HS3ST5: variants seen among roughly 807,000 people sequenced by gnomAD.
HS3ST5 encodes the protein heparan sulfate-glucosamine 3-sulfotransferase 5, also known as heparan sulfate glucosamine 3-O-sulfotransferase 5.
In HS3ST5, 10 loss-of-function variants were observed where a neutral mutation model predicts 25.4. The ratio of observed to expected loss-of-function variants is 0.39; its 90% confidence interval spans 0.24 to 0.67. HS3ST5 has a LOEUF of 0.67. Among genes scored for constraint, HS3ST5 ranks in the 30% least tolerant of loss-of-function variants. HS3ST5 has a pLI of 0.44. For synonymous variants in HS3ST5, 170 were observed against 162.4 expected (o/e 1.05, Z -0.36); for missense variants, 324 against 420.7 (o/e 0.77, Z 2.01).
At chr6:114,269,436 T>C (rs1314500201) in intron 1 of HS3ST5, among the ~76,000 whole-genome samples, 1 of 152,144 alleles carries the variant, frequency 6.6e-6, no homozygotes, top group Non-Finnish European at 1.5e-5. Context: ...TAAAGCAAAA[T>C]TTGAATAGTT....
intron 3 of HS3ST5, among the ~76,000 whole-genome samples, chr6:114,150,106 C>A (rs1778378782): frequency 6.6e-6 from 1 of 152,276 alleles, no homozygotes; most frequent in Non-Finnish European, 1.5e-5. Context: ...TTCTTGATGA[C>A]CATTAAATAT....
intron 3 of HS3ST5, among the ~76,000 whole-genome samples, chr6:114,144,162 C>T (rs759281741): frequency 1.3e-5 from 2 of 152,110 alleles, no homozygotes; most frequent in African/African-American, 2.4e-5. Flanking sequence ...CAGAACTGCC[C>T]CTGACCAGAT....
chr6:114,247,783 G>A (rs982637912), intron 1 of HS3ST5, among the ~76,000 whole-genome samples: 2 of 150,348 alleles, frequency 1.3e-5, no homozygotes, highest in African/African-American at 4.9e-5. Flanking sequence ...CTACATACTA[G>A]ATATCCCAGT....
chr6:114,095,965 G>T (rs1052556102), intron 3 of HS3ST5, among the ~76,000 whole-genome samples: 2 of 152,028 alleles, frequency 1.3e-5, no homozygotes, highest in Non-Finnish European at 2.9e-5. Flanking sequence ...GCATATTCAT[G>T]CTAGTTTCAT....
intron 2 of HS3ST5, among the ~76,000 whole-genome samples, chr6:114,170,309 T>G (rs887019263): frequency 2.0e-5 from 3 of 152,100 alleles, no homozygotes; most frequent in Non-Finnish European, 4.4e-5. Context: ...AGTATATATA[T>G]CCATAATTTA....
intron 1 of HS3ST5, among the ~76,000 whole-genome samples, chr6:114,280,302 G>C (rs1774050024): frequency 2.0e-5 from 3 of 151,974 alleles, no homozygotes; most frequent in Non-Finnish European, 4.4e-5. Context: ...TACAGGGCAG[G>C]AGATGGCAGC....
At chr6:114,193,900 T>C (rs1329966824) in intron 2 of HS3ST5, among the ~76,000 whole-genome samples, 1 of 152,168 alleles carries the variant, frequency 6.6e-6, no homozygotes, top group Non-Finnish European at 1.5e-5. Context: ...AAGTCATATA[T>C]TCTGAATGAT....
chr6:114,131,678 A>G (rs1192468771), intron 3 of HS3ST5, among the ~76,000 whole-genome samples: 1 of 152,224 alleles, frequency 6.6e-6, no homozygotes, highest in Non-Finnish European at 1.5e-5. Flanking sequence ...CTTGGGCCTA[A>G]GAAGTCAGAG....
At chr6:114,113,455 G>T (rs947096459) in intron 3 of HS3ST5, among the ~76,000 whole-genome samples, 11 of 151,308 alleles carry the variant, frequency 7.3e-5, no homozygotes, top group African/African-American at 2.7e-4. Flanking sequence ...CATTAAACAG[G>T]CTTGTTTCCA....
At chr6:114,292,962 G>T (rs771144240) in intron 1 of HS3ST5, among the ~76,000 whole-genome samples, 31 of 147,786 alleles carry the variant, frequency 2.1e-4, no homozygotes, top group Non-Finnish European at 3.9e-4. Context: ...AAATATTTTT[G>T]ATCAAGTTTG....
At chr6:114,129,290 C>G (rs1189141307) in intron 3 of HS3ST5, among the ~76,000 whole-genome samples, 1 of 120,102 alleles carries the variant, frequency 8.3e-6, no homozygotes, top group Non-Finnish European at 1.6e-5. Flanking sequence ...GAGTCTTGCT[C>G]TGTTGCCCAG....
In HS3ST5 at chr6:114,228,712, T is replaced by A. The variant is rs1485700700; in HGVS notation, c.-272A>T. ...AAACAGGTCAGGGAGACTCCTGGGG[T>A]GGCCACCAGAAATGCCGTTGAGAAT... is the stretch of plus-strand genomic sequence containing the variant. On this transcript the variant is annotated 5_prime_UTR_variant, in exon 2 of 5. Transcript: ENST00000312719. 1 of 152,092 alleles carries A rather than the reference T, an allele frequency of 6.6e-6. No individual in the cohort carries two copies. The highest frequency in any genetic ancestry group is 2.4e-5 in the African/African-American group (1 of 41,424). The allele number at this position is 152,092 out of a possible 1,614,324, so 9.4% of individuals were successfully genotyped here. A position where few individuals can be genotyped will look rare whatever the true frequency, so the allele number is the denominator to read the frequency against.
intron 3 of HS3ST5, among the ~76,000 whole-genome samples, chr6:114,128,152 A>G (rs1777142821): frequency 6.6e-6 from 1 of 152,094 alleles, no homozygotes. Context: ...CCTCCAGATA[A>G]TTCTGATATA....
chr6:114,119,791 G>C (rs1776694354), intron 3 of HS3ST5, among the ~76,000 whole-genome samples: 1 of 152,128 alleles, frequency 6.6e-6, no homozygotes, highest in Non-Finnish European at 1.5e-5. Flanking sequence ...GTAACTACTG[G>C]GAGTTAGAAA....
chr6:114,322,806 T>A (rs977754390), intron 1 of HS3ST5, among the ~76,000 whole-genome samples: 2 of 152,174 alleles, frequency 1.3e-5, no homozygotes, highest in African/African-American at 4.8e-5. Flanking sequence ...TACCTAATAG[T>A]ATAGACAGTA....
chr6:114,106,665 T>C (rs952046162), intron 3 of HS3ST5, among the ~76,000 whole-genome samples: 9 of 152,118 alleles, frequency 5.9e-5, no homozygotes, highest in African/African-American at 2.2e-4. Context: ...AAAACTTCCT[T>C]GCTGGTTTAG....
At chr6:114,207,746 T>C (rs1781338240) in intron 2 of HS3ST5, among the ~76,000 whole-genome samples, 1 of 152,164 alleles carries the variant, frequency 6.6e-6, no homozygotes, top group African/African-American at 2.4e-5. Context: ...ACTAACTATA[T>C]TATACTGTTG....
chr6:114,214,231 T>C (rs1400455219), intron 2 of HS3ST5, among the ~76,000 whole-genome samples: 2 of 152,230 alleles, frequency 1.3e-5, no homozygotes, highest in African/African-American at 4.8e-5. Flanking sequence ...GTTCCTGTTA[T>C]ACCCTTTAAC....
chr6:114,330,610 C>A (rs1042004831), intron 1 of HS3ST5, among the ~76,000 whole-genome samples: 1 of 152,162 alleles, frequency 6.6e-6, no homozygotes, highest in African/African-American at 2.4e-5. Context: ...CCACAGGTTC[C>A]ACCCAGCTCC....
Sources: allele counts gnomAD v4.1 joint callset (sites outside exome capture counted in the v4.1 genomes callset), GRCh38; gene constraint gnomAD v4.1.1; transcripts MANE v1.5; gene names NCBI Gene and HGNC (gene_info 2026-07-23, HGNC 2026-07-21).